The following KCNN2 variants were observed in gnomAD, a reference collection of about 807,000 sequenced individuals.
KCNN2 encodes potassium calcium-activated channel subfamily N member 2.
KCNN2 carries 24 observed loss-of-function variants against 55.5 expected under a neutral mutation model. The ratio of observed to expected loss-of-function variants is 0.43; its 90% CI spans 0.31 to 0.61. The LOEUF (loss-of-function observed/expected upper bound fraction) is 0.61. KCNN2 is among the 20% of genes least tolerant of loss of function. KCNN2 has a pLI of 0.08. For synonymous variants in KCNN2, 431 were observed against 336.1 expected (o/e 1.28, Z -3.09); for missense variants, 754 against 853.6 (o/e 0.88, Z 1.45).
intron 1 of KCNN2, among the ~76,000 whole-genome samples, chr5:114,082,573 C>G (rs750123074): frequency 2.6e-5 from 4 of 152,112 alleles, no homozygotes; most frequent in Non-Finnish European, 5.9e-5. Context: ...CATGACCCAG[C>G]AATTCTACTT....
intron 2 of KCNN2, among the ~76,000 whole-genome samples, chr5:114,288,381 G>T (rs1024893697): frequency 1.3e-5 from 2 of 151,972 alleles, no homozygotes; most frequent in African/African-American, 2.4e-5. Context: ...TGGAAATTCT[G>T]TGTTAAACTT....
At chr5:114,166,783 G>T (rs375079137) in intron 1 of KCNN2, among the ~76,000 whole-genome samples, 10 of 152,082 alleles carry the variant, frequency 6.6e-5, no homozygotes, top group Non-Finnish European at 1.5e-4. Flanking sequence ...TGGTATTAGG[G>T]GGGTAGGGCC....
intron 2 of KCNN2, among the ~76,000 whole-genome samples, chr5:114,221,899 T>A (rs527927447): frequency 2.6e-5 from 4 of 152,330 alleles, no homozygotes; most frequent in African/African-American, 7.2e-5. Flanking sequence ...TAGTTTTAGC[T>A]CTACTTTTAA....
At chr5:114,285,057 C>T (rs1209392091) in intron 2 of KCNN2, among the ~76,000 whole-genome samples, 7 of 150,706 alleles carry the variant, frequency 4.6e-5, no homozygotes, top group South Asian at 2.1e-4. Flanking sequence ...CTGAGGCGGG[C>T]GGATCACGAG....
chr5:114,368,128 C>A (rs1256437514), intron 2 of KCNN2, among the ~76,000 whole-genome samples: 1 of 152,024 alleles, frequency 6.6e-6, no homozygotes, highest in Non-Finnish European at 1.5e-5. Context: ...TATTCACTAG[C>A]TGTAAAACCC....
At chr5:114,284,699 T>C (rs1755699434) in intron 2 of KCNN2, among the ~76,000 whole-genome samples, 1 of 151,874 alleles carries the variant, frequency 6.6e-6, no homozygotes, top group Admixed American at 6.6e-5. Context: ...TGTCCTTTTT[T>C]AGTAGAGACG....
chr5:114,399,394 T>C (rs111845307), intron 2 of KCNN2, among the ~76,000 whole-genome samples: 1 of 152,144 alleles, frequency 6.6e-6, no homozygotes, highest in South Asian at 2.1e-4. Context: ...ATGTGATGAA[T>C]CATGTTTAAT....
At chr5:114,255,959 G>T (rs377676234) in intron 2 of KCNN2, among the ~76,000 whole-genome samples, 1 of 152,090 alleles carries the variant, frequency 6.6e-6, no homozygotes, top group East Asian at 1.9e-4. Flanking sequence ...CCCCTATATA[G>T]TGTATATTGT....
chr5:114,374,224 G>T (rs569992354), intron 2 of KCNN2, among the ~76,000 whole-genome samples: 1 of 152,134 alleles, frequency 6.6e-6, no homozygotes, highest in South Asian at 2.1e-4. Flanking sequence ...CCACTAATTA[G>T]GACCCTGGTG....
At chr5:114,475,877 T>C (rs866622838) in intron 5 of KCNN2, among the ~76,000 whole-genome samples, 1 of 152,172 alleles carries the variant, frequency 6.6e-6, no homozygotes, top group African/African-American at 2.4e-5. Context: ...GCTTTTTTGT[T>C]GTAAGTTCTT....
intron 3 of KCNN2, among the ~76,000 whole-genome samples, chr5:114,412,528 T>C (rs1759169246): frequency 6.6e-6 from 1 of 152,242 alleles, no homozygotes; most frequent in Admixed American, 6.5e-5. Flanking sequence ...AAGCCAGTTG[T>C]CATGGAGGAA....
intron 3 of KCNN2, among the ~76,000 whole-genome samples, chr5:114,406,016 T>A (rs191371349): frequency 1.2e-3 from 183 of 150,690 alleles, no homozygotes; most frequent in South Asian, 9.6e-3. Flanking sequence ...GGCCGAATAT[T>A]TTTTTTTTAA....
chr5:114,072,181 A>G (rs10042080), intron 1 of KCNN2, among the ~76,000 whole-genome samples: 1,579 of 152,112 alleles, frequency 0.01, 41 homozygotes, highest in African/African-American at 0.036. Flanking sequence ...AGTCCCAGCT[A>G]TTTGGGAGGC....
At chr5:114,482,930 T>G (rs1762290047) in intron 5 of KCNN2, among the ~76,000 whole-genome samples, 1 of 152,052 alleles carries the variant, frequency 6.6e-6, no homozygotes, top group African/African-American at 2.4e-5. Context: ...TAATGGACGC[T>G]GGGTTTAATA....
intron 1 of KCNN2, among the ~76,000 whole-genome samples, chr5:114,171,792 C>T (rs868039736): frequency 2.0e-5 from 3 of 151,632 alleles, no homozygotes; most frequent in Non-Finnish European, 4.4e-5. Context: ...TTCATGCTAA[C>T]TATAAATGTG....
chr5:114,378,950 C>T (rs1758020128), intron 2 of KCNN2, among the ~76,000 whole-genome samples: 1 of 152,152 alleles, frequency 6.6e-6, no homozygotes, highest in Non-Finnish European at 1.5e-5. Context: ...GTCTGAAGTT[C>T]TGGCAGCATG....
At chr5:114,349,650 T>C (rs1757172433) in intron 2 of KCNN2, among the ~76,000 whole-genome samples, 1 of 152,070 alleles carries the variant, frequency 6.6e-6, no homozygotes, top group Admixed American at 6.6e-5. Flanking sequence ...TATATACTTA[T>C]CAGTTGATGG....
At chr5:114,103,049 T>C (rs1309488796) in intron 1 of KCNN2, among the ~76,000 whole-genome samples, 2 of 152,222 alleles carry the variant, frequency 1.3e-5, no homozygotes, top group Non-Finnish European at 2.9e-5. Flanking sequence ...TTTCACGATA[T>C]TGATTCTTTC....
At chr5:114,212,118 C>A (rs1753899431) in intron 1 of KCNN2, among the ~76,000 whole-genome samples, 24 of 151,838 alleles carry the variant, frequency 1.6e-4, no homozygotes, top group Admixed American at 1.6e-3. Flanking sequence ...TTTGGTGAAA[C>A]CACTTAAAAA....
Sources: allele counts gnomAD v4.1 joint callset (sites outside exome capture counted in the v4.1 genomes callset), GRCh38; gene constraint gnomAD v4.1.1; transcripts MANE v1.5; gene names NCBI Gene and HGNC (gene_info 2026-07-23, HGNC 2026-07-21).